ACTA2: variants seen among roughly 807,000 people sequenced by gnomAD.
ACTA2 encodes actin alpha 2, smooth muscle.
A neutral mutation model predicts 39.5 loss-of-function variants in ACTA2; 12 were observed. The ratio of observed to expected loss-of-function variants is 0.30; its 90% CI spans 0.19 to 0.49. The LOEUF (loss-of-function observed/expected upper bound fraction) is 0.49. ACTA2 is among the 20% of genes least tolerant of loss of function. ACTA2 has a pLI of 0.99. For missense variants in ACTA2, 236 were observed against 498.8 expected (o/e 0.47, Z 5.02); for synonymous variants, 158 against 180.6 (o/e 0.88, Z 1.00).
chr10:88,983,286 T>G (rs1846756966), intron 1 of ACTA2, among the ~76,000 whole-genome samples: 1 of 152,186 alleles, frequency 6.6e-6, no homozygotes, highest in South Asian at 2.1e-4. Flanking sequence ...CTCACTGTAT[T>G]ATGATCTTAG....
At chr10:88,940,079 A>G (rs1236422170) in intron 6 of ACTA2, 1 of 286,432 alleles carries the variant, frequency 3.5e-6, no homozygotes, top group African/African-American at 2.2e-5. Context: ...GTTATATTGT[A>G]TTTTCAGTTA....
At chr10:88,941,529 G>C (rs988630652) in intron 5 of ACTA2, 139 bp from the exon 6 acceptor site, 1 of 1,131,230 alleles carries the variant, frequency 8.8e-7, no homozygotes, top group Admixed American at 1.9e-5. Flanking sequence ...TGTGATAGGA[G>C]AGGTGAGGTG....
rs550580064 is a variant in ACTA2, at chr10:88,990,241, A to C, written c.-24+698T>G. 6.6e-6 allele frequency among the ~76,000 whole-genome samples: 1 copy of C among 152,210 alleles called. No homozygotes were observed. Among genetic ancestry groups the C allele is most frequent in the Non-Finnish European group, 1.5e-5 (1 of 68,040 alleles). ...GAGCCTCTCATGTTGCAGCCACAAC[A>C]TGGACAGCCCAGTCAAATGCCCCGC... On this transcript the variant is annotated intron_variant, in intron 1 of 4. Transcript: ENST00000415557. This position sits in a 1 kb window ranked among gnomAD's most constrained non-coding sequence, Gnocchi z 4.9.
chr10:88,980,237 C>A (rs1017375187), intron 1 of ACTA2, among the ~76,000 whole-genome samples: 24 of 152,166 alleles, frequency 1.6e-4, no homozygotes, highest in Admixed American at 1.3e-4. Context: ...AAATGTACAA[C>A]TAAGAAGTCA....
At position 88,939,529 on chromosome 10, in the gene ACTA2, G is replaced by C. The variant is rs1060503847; in HGVS notation, c.786C>G (p.Thr262=). ...IGNERFRCPE[T]LFQPSFIGME... is the part of the protein sequence containing the mutation. Reference sequence around the variant, plus strand: ...TACCGATGAAGGATGGCTGGAACAGGGTCTCTGGGCAGCGGAAACGTTCAT... The same window carrying C: ...TACCGATGAAGGATGGCTGGAACAGCGTCTCTGGGCAGCGGAAACGTTCAT... The change falls in exon 7 of 9, where the codon ACC becomes ACG. Residue 262 remains threonine (T), a synonymous_variant. Coordinates refer to ENST00000224784, the MANE Select transcript of ACTA2 (RefSeq NM_001613.4). The C allele has an allele frequency of 1.9e-6, 3 of 1,613,490 alleles. No individual in the cohort carries two copies. The highest frequency in any genetic ancestry group is 1.3e-5 in the African/African-American group (1 of 74,894).
At chr10:88,987,525 G>A (rs1846939002) in intron 1 of ACTA2, among the ~76,000 whole-genome samples, 1 of 152,176 alleles carries the variant, frequency 6.6e-6, no homozygotes, top group African/African-American at 2.4e-5. Flanking sequence ...AGCTCTGGCA[G>A]GGCCACAAGC....
chr10:88,977,523 A>C (rs1187380255), intron 1 of ACTA2, among the ~76,000 whole-genome samples: 1 of 152,196 alleles, frequency 6.6e-6, no homozygotes, highest in East Asian at 1.9e-4. Flanking sequence ...AATATCCAGA[A>C]TCTACAATGA....
chr10:88,988,470 T>C (rs913304987), intron 1 of ACTA2, among the ~76,000 whole-genome samples: 5 of 148,838 alleles, frequency 3.4e-5, no homozygotes, highest in Non-Finnish European at 7.4e-5. Flanking sequence ...TTTTTTTACA[T>C]AGTCAAGATT....
chr10:88,974,090 C>G (rs1221719127), intron 1 of ACTA2: 2 of 152,242 alleles, frequency 1.3e-5, no homozygotes, highest in East Asian at 3.8e-4. Context: ...ACATGAGCCA[C>G]TGTGCCCTGC....
upstream of ACTA2, among the ~76,000 whole-genome samples, chr10:88,955,016 CA>C (rs768193000): frequency 6.1e-3 from 448 of 73,208 alleles, 2 homozygotes; most frequent in Non-Finnish European, 8.4e-3. Context: ...TAGTGTCACA[CA>C]AAAAAAAAAA....
intron 6 of ACTA2, 148 bp downstream of exon 6, chr10:88,941,081 G>C (rs928451039): frequency 2.5e-5 from 25 of 999,570 alleles, no homozygotes; most frequent in Non-Finnish European, 3.9e-5. Context: ...ACACAGCAAA[G>C]AAAGATGTGC....
intron 2 of ACTA2, 73 bp from the exon 3 acceptor site, chr10:88,947,459 G>T: frequency 6.2e-7 from 1 of 1,601,228 alleles, no homozygotes; most frequent in Non-Finnish European, 8.5e-7. Flanking sequence ...AGCCACAAAA[G>T]GTTAAGTCAT....
rs138646497 is a variant in ACTA2, at chr10:88,968,722, C to T, written c.-23-19769G>A. Among the ~76,000 whole-genome samples the T allele has an allele frequency of 3.3e-3, 506 of 152,224 alleles. 4 individuals carry two copies. Among genetic ancestry groups the T allele is most frequent in the African/African-American group, 0.012 (482 of 41,528 alleles). ...TTCCTCCTTAATTCTCACTGGCTGGCCTGGAATGAGGCTCTGCTAAAAATG... is the reference window on the plus strand; with the variant it reads ...TTCCTCCTTAATTCTCACTGGCTGGTCTGGAATGAGGCTCTGCTAAAAATG... On this transcript the variant is annotated intron_variant, in intron 1 of 4. Transcript: ENST00000415557.
At chr10:88,974,974 T>C (rs1298953555) in intron 1 of ACTA2, 1 of 152,112 alleles carries the variant, frequency 6.6e-6, no homozygotes, top group Admixed American at 6.5e-5. Context: ...AAAAGGCATA[T>C]TTAAAGTGAG....
At chr10:88,949,148 G>A (rs781047769) in intron 1 of ACTA2, among the ~76,000 whole-genome samples, 195 bp from the exon 2 acceptor site, 2 of 152,156 alleles carry the variant, frequency 1.3e-5, no homozygotes, top group African/African-American at 2.4e-5. Flanking sequence ...CTGAAACTCT[G>A]ACTTCTGAAA....
At position 88,963,725 on chromosome 10, in the gene ACTA2, C is replaced by T. The variant is rs536784684; in HGVS notation, c.-23-14772G>A. On this transcript the variant is annotated intron_variant, in intron 1 of 4. Coordinates refer to the ACTA2 transcript ENST00000415557. ...CTAGTGAAGAAGGTGAGTTGACAAG[C>T]TTGGGCATTACCATTTTGGGTCAAA... Among the ~76,000 whole-genome samples the T allele has an allele frequency of 2.8e-3, 425 of 152,242 alleles. 3 individuals are homozygous for T. Among genetic ancestry groups the T allele is most frequent in the African/African-American group, 1.0e-2 (414 of 41,538 alleles).
At chr10:88,984,160 C>T (rs777116787) in intron 1 of ACTA2, among the ~76,000 whole-genome samples, 63 of 152,258 alleles carry the variant, frequency 4.1e-4, no homozygotes, top group Non-Finnish European at 8.4e-4. Context: ...ACTTGTTAAA[C>T]TATAGGAAGT....
chr10:88,935,270 CCT>C lies in ACTA2; in HGVS notation c.1085_1086del (p.Gln362ArgfsTer4). ...STFQQMWISK[Q>X]EYDEAGPSIV... ...ATGGAAGGCCCGGCTTCATCGTATT[CCT>C]GTTTGCTGATCCACATCTGCTGGAA... On this transcript the variant is annotated frameshift_variant, in exon 9 of 9. Coordinates refer to ENST00000224784, the MANE Select transcript of ACTA2 (RefSeq NM_001613.4). LOFTEE classifies it high-confidence loss of function. The C allele has an allele frequency of 6.2e-7, 1 of 1,613,940 alleles. No homozygotes were observed. The highest frequency in any genetic ancestry group is 8.5e-7 in the Non-Finnish European group (1 of 1,179,896).
chr10:88,970,227 AAGG>A (rs1846402682), intron 1 of ACTA2, among the ~76,000 whole-genome samples: 2 of 152,154 alleles, frequency 1.3e-5, no homozygotes, highest in African/African-American at 4.8e-5. Context: ...TACCCTGTTT[AAGG>A]AGGTCTTTGG....
Sources: allele counts gnomAD v4.1 joint callset (sites outside exome capture counted in the v4.1 genomes callset), GRCh38; gene constraint gnomAD v4.1.1; non-coding constraint Gnocchi (gnomAD v3.1); transcripts MANE v1.5; gene names NCBI Gene and HGNC (gene_info 2026-07-23, HGNC 2026-07-21).